The following TPO variants were observed in gnomAD, a reference collection of about 807,000 sequenced individuals.
TPO encodes the protein thyroid microsomal antigen.
Under a neutral mutation model 96.9 loss-of-function variants are expected in TPO, and 78 were observed. The ratio of observed to expected loss-of-function variants is 0.81; its 90% CI spans 0.67 to 0.97. The LOEUF (loss-of-function observed/expected upper bound fraction) is 0.97, where lower values mean the gene tolerates loss of function less well. Ranked by LOEUF, TPO falls within the 50% of genes least tolerant of loss-of-function variation. The probability of loss-of-function intolerance (pLI) is 0.00; values close to 1 mark genes in which losing one functional copy is unlikely to be tolerated. For synonymous variants in TPO, 547 were observed against 538.0 expected (o/e 1.02, Z -0.23); for missense variants, 1,252 against 1,274.8 (o/e 0.98, Z 0.27).
intron 1 of TPO, among the ~76,000 whole-genome samples, chr2:1,378,816 G>A (rs1460903950): frequency 3.9e-5 from 6 of 152,150 alleles, no homozygotes; most frequent in Non-Finnish European, 7.3e-5. Flanking sequence ...CAGAAGGTCC[G>A]AGAGATGTTA....
At chr2:1,527,419 A>T (rs1445943094) in intron 15 of TPO, among the ~76,000 whole-genome samples, 1 of 122,010 alleles carries the variant, frequency 8.2e-6, no homozygotes, top group Non-Finnish European at 1.6e-5. Context: ...AACCTCCTCA[A>T]ATCCTCCGCC....
intron 1 of TPO, among the ~76,000 whole-genome samples, chr2:1,394,901 C>T (rs529297918): frequency 1.3e-5 from 2 of 152,166 alleles, no homozygotes; most frequent in African/African-American, 4.8e-5. Context: ...GATGTGCCCC[C>T]ACGTGATTCC....
chr2:1,377,971 T>G (rs1291044326), intron 1 of TPO, among the ~76,000 whole-genome samples: 1 of 152,170 alleles, frequency 6.6e-6, no homozygotes, highest in Non-Finnish European at 1.5e-5. Context: ...GATAATTGAA[T>G]CATGGGGTGG....
At chr2:1,438,683 T>G in intron 5 of TPO, 1 of 590,104 alleles carries the variant, frequency 1.7e-6, no homozygotes, top group Non-Finnish European at 3.0e-6. Flanking sequence ...GGAGGGTGAA[T>G]TACAGTGCTT....
chr2:1,517,094 A>C, intron 15 of TPO, 112 bp downstream of exon 15: 1 of 1,070,470 alleles, frequency 9.3e-7, no homozygotes, highest in Non-Finnish European at 1.4e-6. Context: ...GGTTACTGGT[A>C]TCTCAAAGGC....
chr2:1,384,218 T>G (rs1661853230), intron 1 of TPO, among the ~76,000 whole-genome samples: 1 of 152,218 alleles, frequency 6.6e-6, no homozygotes, highest in South Asian at 2.1e-4. Flanking sequence ...TGGTTCCATA[T>G]GAACTGTAGT....
chr2:1,422,344 C>CGACATTGTGCAGACGCCGCACTGGACA (rs1397279329), intron 2 of TPO, among the ~76,000 whole-genome samples: 18 of 77,518 alleles, frequency 2.3e-4, no homozygotes, highest in African/African-American at 8.4e-4. Context: ...TCTCCTGGAC[C>CGACATTGTGCAGACGCCGCACTGGACA]GACCTCGTGC....
At chr2:1,458,593 G>C (rs561377577) in intron 7 of TPO, among the ~76,000 whole-genome samples, 2 of 151,616 alleles carry the variant, frequency 1.3e-5, no homozygotes, top group South Asian at 4.2e-4. Flanking sequence ...GTGTGTATAT[G>C]GCATATAAGA....
chr2:1,445,015 T>C (rs13000139), intron 5 of TPO, among the ~76,000 whole-genome samples: 2 of 18,628 alleles, frequency 1.1e-4, no homozygotes, highest in African/African-American at 1.4e-4. Flanking sequence ...CTGCAGGAGG[T>C]ACCATGTTGG....
intron 13 of TPO, among the ~76,000 whole-genome samples, chr2:1,499,927 C>T (rs1393077599): frequency 1.3e-5 from 2 of 152,190 alleles, no homozygotes; most frequent in Non-Finnish European, 2.9e-5. Context: ...TATAAATGCA[C>T]AGTACAAAGA....
chr2:1,442,759 G>A (rs983283871), intron 5 of TPO, among the ~76,000 whole-genome samples: 4 of 152,188 alleles, frequency 2.6e-5, no homozygotes, highest in Non-Finnish European at 4.4e-5. Context: ...GGCAAAGATA[G>A]TGATGCTCAT....
At chr2:1,440,873 A>C (rs1045214550) in intron 5 of TPO, among the ~76,000 whole-genome samples, 1 of 135,118 alleles carries the variant, frequency 7.4e-6, no homozygotes. Context: ...TCTTGTTTCC[A>C]TGGTGTAGTC....
intron 1 of TPO, among the ~76,000 whole-genome samples, chr2:1,408,446 G>A (rs2148385386): frequency 6.6e-6 from 1 of 152,336 alleles, no homozygotes; most frequent in South Asian, 2.1e-4. Context: ...CATTCGAGTT[G>A]TGCGTGGGCT....
chr2:1,458,886 A>G (rs752207622), intron 7 of TPO, among the ~76,000 whole-genome samples: 1 of 152,146 alleles, frequency 6.6e-6, no homozygotes, highest in East Asian at 1.9e-4. Context: ...CTTCTGCTTC[A>G]TTGCTGTTTT....
At chr2:1,399,198 G>A (rs1321924673) in intron 1 of TPO, among the ~76,000 whole-genome samples, 2 of 152,176 alleles carry the variant, frequency 1.3e-5, no homozygotes, top group Non-Finnish European at 2.9e-5. Flanking sequence ...CTCATGAAAT[G>A]TCCAGCCCCC....
intron 13 of TPO, among the ~76,000 whole-genome samples, chr2:1,497,448 A>G (rs1672472159): frequency 1.3e-5 from 2 of 152,186 alleles, no homozygotes; most frequent in Non-Finnish European, 2.9e-5. Flanking sequence ...GAACAGCAGA[A>G]TGAGAGTCCC....
In TPO at chr2:1,493,785, G is replaced by C. The variant is rs1573418758; in HGVS notation, c.1769-17G>C. ...TCAGTTCTGTGAGAGAAACCCTGCA[G>C]CCTCTCCCCTGTGCAGGTTACAATG... is the stretch of plus-strand genomic sequence containing the variant. On this transcript the variant is annotated splice_polypyrimidine_tract_variant and intron_variant, in intron 10 of 16. Transcript: ENST00000329066. 6.2e-7 allele frequency: 1 copy of C among 1,613,134 alleles called. No homozygotes were observed. The highest frequency in any genetic ancestry group is 8.5e-7 in the Non-Finnish European group (1 of 1,179,178).
At chr2:1,401,478 C>T (rs1417130892) in intron 1 of TPO, among the ~76,000 whole-genome samples, 1 of 152,136 alleles carries the variant, frequency 6.6e-6, no homozygotes, top group African/African-American at 2.4e-5. Context: ...TCAAGAACCC[C>T]AGCCCTGGAG....
intron 7 of TPO, among the ~76,000 whole-genome samples, chr2:1,462,440 AAATAAACACCCAATGG>A (rs1668533120): frequency 6.6e-6 from 1 of 152,196 alleles, no homozygotes; most frequent in Non-Finnish European, 1.5e-5. Context: ...AATGAGAAAA[AAATAAACACCCAATGG>A]AATAAACACC....
Sources: gnomAD v4.1 joint callset for allele counts (sites outside exome capture counted in the v4.1 genomes callset) on GRCh38, gnomAD v4.1.1 for gene constraint, MANE v1.5 for transcripts, NCBI Gene and HGNC (gene_info 2026-07-23, HGNC 2026-07-21) for gene names.